RMND1: variants seen among roughly 807,000 people sequenced by gnomAD.
RMND1 encodes the protein required for meiotic nuclear division 1 homolog.
In RMND1, 41 loss-of-function variants were observed where a neutral mutation model predicts 54.0. That is an observed-to-expected ratio of 0.76 (90% CI 0.59 to 0.98). The LOEUF (loss-of-function observed/expected upper bound fraction) is 0.98, where lower values mean the gene tolerates loss of function less well. RMND1 is among the 50% of genes least tolerant of loss of function. The pLI, the probability that RMND1 is intolerant of heterozygous loss-of-function variation, is 0.00. For missense variants in RMND1, 457 were observed against 532.0 expected (o/e 0.86, Z 1.39); for synonymous variants, 183 against 181.7 (o/e 1.01, Z -0.06).
intron 4 of RMND1, among the ~76,000 whole-genome samples, chr6:151,431,232 C>T (rs770982774): frequency 2.0e-5 from 3 of 151,966 alleles, no homozygotes; most frequent in South Asian, 4.1e-4. Flanking sequence ...CCAGTAGCTG[C>T]GTGGCTGCAG....
At chr6:151,412,140 TA>T (rs1251938832) in intron 10 of RMND1, among the ~76,000 whole-genome samples, 3 of 152,162 alleles carry the variant, frequency 2.0e-5, no homozygotes, top group African/African-American at 7.2e-5. Flanking sequence ...TGACTGGGAT[TA>T]CAGGCGTCCA....
chr6:151,422,594 T>C lies in RMND1; in HGVS notation c.949A>G (p.Ile317Val). 8 of 1,528,894 alleles carry C rather than the reference T, an allele frequency of 5.2e-6. 1 individual carries two copies. In the South Asian group the frequency reaches 8.7e-5, roughly 17 times the overall value. 94.7% of individuals were successfully genotyped at this position (1,528,894 alleles called of 1,614,324 possible). ...NALCLSVKLA[I>V]WEASLDKFIE... is the part of the protein sequence containing the mutation. ...AATTTATCCAGTGATGCTTCCCAAA[T>C]TGCCAGTTTTACTGGGAAAAAAATT... Residue 317 changes from isoleucine to valine, a missense_variant, in exon 8 of 12, where the codon ATT (isoleucine) becomes GTT (valine). Physicochemically the swap from Ile to Val is conservative, Grantham distance 29 (BLOSUM62 3). Coordinates refer to ENST00000444024, the MANE Select transcript of RMND1 (RefSeq NM_017909.4).
chr6:151,427,494 TAGTTA>T lies in RMND1; in HGVS notation c.813_817del (p.Asn272HisfsTer24). On this transcript the variant is annotated frameshift_variant, in exon 6 of 12. Transcript: ENST00000444024. LOFTEE classifies it high-confidence loss of function. ...AAAAGTTGCTTACTCTATTTTTATG[TAGTTA>T]AGTTCTTCATTTTCCCAGTGTACCA... 1.9e-6 allele frequency: 3 copies of T among 1,601,008 alleles called. No individual in the cohort carries two copies. Among genetic ancestry groups the T allele is most frequent in the Non-Finnish European group, 2.6e-6 (3 of 1,168,556 alleles).
At chr6:151,439,808 C>T (rs537133107) in intron 2 of RMND1, among the ~76,000 whole-genome samples, 34 of 152,220 alleles carry the variant, frequency 2.2e-4, no homozygotes, top group African/African-American at 2.6e-4. Flanking sequence ...CACAGGCATG[C>T]GCCACCACGC....
At chr6:151,406,443 G>T (rs1276763467) in intron 10 of RMND1, among the ~76,000 whole-genome samples, 1 of 151,990 alleles carries the variant, frequency 6.6e-6, no homozygotes, top group Non-Finnish European at 1.5e-5. Context: ...CTCACTGCAA[G>T]CTCTGCCTCC....
At chr6:151,408,468 G>GA (rs1367048547) in intron 10 of RMND1, among the ~76,000 whole-genome samples, 2 of 152,010 alleles carry the variant, frequency 1.3e-5, no homozygotes, top group Non-Finnish European at 2.9e-5. Flanking sequence ...CTCCATCTCA[G>GA]AAAAAAAGAA....
chr6:151,445,294 C>T lies in RMND1; in HGVS notation c.504+14G>A. 1 of 1,593,306 alleles carries T rather than the reference C, an allele frequency of 6.3e-7. No individual in the cohort carries two copies. The highest frequency in any genetic ancestry group is 1.1e-5 in the South Asian group (1 of 88,450). On this transcript the variant is annotated intron_variant, in intron 2 of 11. Coordinates refer to ENST00000444024, the MANE Select transcript of RMND1 (RefSeq NM_017909.4). ...GATCACTAAGCACGAGAGCCACGGC[C>T]ACCCCTACTTTACCTCGTTCACAGA...
At chr6:151,411,570 C>T (rs1469026273) in intron 10 of RMND1, 1 of 152,210 alleles carries the variant, frequency 6.6e-6, no homozygotes. Context: ...AGCCATGAAA[C>T]AGCTGACCAC....
In RMND1 at chr6:151,436,113, A is replaced by AAC. The variant is rs1490513787; in HGVS notation, c.613+332_613+333insGT. The AAC allele has an allele frequency of 5.6e-3, 400 of 71,594 alleles. 1 individual carries two copies. The highest frequency in any genetic ancestry group is 0.01 in the Non-Finnish European group (336 of 32,264). 4.4% of individuals were successfully genotyped at this position (71,594 alleles called of 1,614,324 possible). A position where few individuals can be genotyped will look rare whatever the true frequency, so the allele number is the denominator to read the frequency against. On this transcript the variant is annotated intron_variant, in intron 3 of 11. Coordinates refer to ENST00000444024, the MANE Select transcript of RMND1 (RefSeq NM_017909.4). ...AGAGTGAAACTCCATCCCAAAAAACAAAAAAAAAAAAAACACAAAACACAC... is the reference window on the plus strand; with the variant it reads ...AGAGTGAAACTCCATCCCAAAAAACAACAAAAAAAAAAAAACACAAAACACAC...
In RMND1 at chr6:151,405,049, A is replaced by C. The variant is rs1779561149; in HGVS notation, c.*186T>G. 1.9e-6 allele frequency: 1 copy of C among 524,240 alleles called. No homozygotes were observed. Among genetic ancestry groups the C allele is most frequent in the African/African-American group, 2.0e-5 (1 of 49,996 alleles). 32.5% of individuals were successfully genotyped at this position (524,240 alleles called of 1,614,324 possible). A position where few individuals can be genotyped will look rare whatever the true frequency, so the allele number is the denominator to read the frequency against. ...ACACCTGGCTAATTTTGGTATTTTT[A>C]GTAGAGATGGGGTTTCACCATGTTG... On this transcript the variant is annotated 3_prime_UTR_variant, in exon 12 of 12. Coordinates refer to ENST00000444024, the MANE Select transcript of RMND1 (RefSeq NM_017909.4).
intron 5 of RMND1, among the ~76,000 whole-genome samples, chr6:151,429,123 C>CTTTTTTTTTTTTT (rs528642361): frequency 2.1e-5 from 3 of 140,040 alleles, no homozygotes; most frequent in African/African-American, 7.8e-5. Flanking sequence ...TTGTAACCCG[C>CTTTTTTTTTTTTT]TTTTTTTTTT....
At chr6:151,435,884 T>G (rs549321573) in intron 3 of RMND1, among the ~76,000 whole-genome samples, 1 of 150,438 alleles carries the variant, frequency 6.6e-6, no homozygotes, top group Admixed American at 6.6e-5. Flanking sequence ...GCGGGAGGAT[T>G]AGATGAGGTT....
At chr6:151,446,544 A>G (rs1264598507) in intron 1 of RMND1, among the ~76,000 whole-genome samples, 1 of 152,146 alleles carries the variant, frequency 6.6e-6, no homozygotes, top group Admixed American at 6.5e-5. Context: ...ACACACATGA[A>G]CATTCCAGAC....
chr6:151,451,004 C>T (rs910874503), intron 1 of RMND1, among the ~76,000 whole-genome samples: 23 of 152,218 alleles, frequency 1.5e-4, no homozygotes, highest in Admixed American at 2.6e-4. Context: ...TTGAAGGCAG[C>T]GTGCTGGTTA....
chr6:151,422,887 G>A (rs535778833), intron 7 of RMND1, among the ~76,000 whole-genome samples: 1 of 152,168 alleles, frequency 6.6e-6, no homozygotes, highest in East Asian at 1.9e-4. Flanking sequence ...AGGAGGGTAG[G>A]GTACACCTTG....
At position 151,438,189 on chromosome 6, in the gene RMND1, C is replaced by G. The variant is rs182469174; in HGVS notation, c.505-1635G>C. On this transcript the variant is annotated intron_variant, in intron 2 of 11. Coordinates refer to ENST00000444024, the MANE Select transcript of RMND1 (RefSeq NM_017909.4). Reference sequence around the variant, plus strand: ...TAAGGCTTCATGGAGTTAAAACTAGCTGATGTACGATGTGTGTAAAGATTC... The same window carrying G: ...TAAGGCTTCATGGAGTTAAAACTAGGTGATGTACGATGTGTGTAAAGATTC... Among the ~76,000 whole-genome samples, 64 of 152,296 alleles carry G rather than the reference C, an allele frequency of 4.2e-4. 1 individual carries two copies. The highest frequency in any genetic ancestry group is 6.2e-4 in the Non-Finnish European group (42 of 68,030).
chr6:151,430,239 A>C (rs1185398042), intron 4 of RMND1, 62 bp from the exon 5 acceptor site: 1 of 1,163,728 alleles, frequency 8.6e-7, no homozygotes, highest in East Asian at 2.3e-5. Flanking sequence ...TTAGGGTCGT[A>C]TATAAAACCA....
At chr6:151,405,311 G>C (rs774343231) in intron 11 of RMND1, 44 bp from the exon 12 acceptor site, 2 of 1,529,280 alleles carry the variant, frequency 1.3e-6, no homozygotes, top group Admixed American at 3.3e-5. Flanking sequence ...GGCAAATTAT[G>C]GGTACAAACT....
chr6:151,428,244 G>A (rs1780359089), intron 5 of RMND1, among the ~76,000 whole-genome samples: 1 of 152,174 alleles, frequency 6.6e-6, no homozygotes, highest in Non-Finnish European at 1.5e-5. Flanking sequence ...AGGCAACCAT[G>A]ATTAAACTTG....
Sources: allele counts gnomAD v4.1 joint callset (sites outside exome capture counted in the v4.1 genomes callset), GRCh38; gene constraint gnomAD v4.1.1; transcripts MANE v1.5; gene names NCBI Gene and HGNC (gene_info 2026-07-23, HGNC 2026-07-21).